Variants in DENND1A observed in about 807,000 individuals in gnomAD.
DENND1A encodes DENN domain-containing protein 1A.
DENND1A carries 51 observed loss-of-function variants against 113.7 expected under a neutral mutation model. The observed-to-expected ratio is 0.45, with a 90% CI of 0.36 to 0.57. DENND1A has a LOEUF of 0.57. DENND1A is among the 20% of genes least tolerant of loss of function. The probability of loss-of-function intolerance (pLI) is 0.00; values close to 1 mark genes in which losing one functional copy is unlikely to be tolerated. For synonymous variants in DENND1A, 565 were observed against 570.8 expected, an observed-to-expected ratio of 0.99 and a Z score of 0.14; for missense variants, 1,258 against 1,395.9, an observed-to-expected ratio of 0.90 and a Z score of 1.57.
intron 13 of DENND1A, among the ~76,000 whole-genome samples, chr9:123,509,014 C>G (rs150101479): frequency 8.5e-5 from 13 of 152,080 alleles, no homozygotes; most frequent in African/African-American, 3.1e-4. Context: ...TAGAAGGCAC[C>G]GTGAAGGAAT....
At chr9:123,655,732 C>T (rs1046674581) in intron 8 of DENND1A, among the ~76,000 whole-genome samples, 5 of 152,206 alleles carry the variant, frequency 3.3e-5, no homozygotes, top group African/African-American at 9.7e-5. Context: ...GGAGGACTTC[C>T]GCGGCAGGCT....
At chr9:123,609,370 T>C (rs1589337020) in intron 11 of DENND1A, 66 bp downstream of exon 11, 2 of 1,566,952 alleles carry the variant, frequency 1.3e-6, no homozygotes, top group Non-Finnish European at 1.8e-6. Flanking sequence ...ACTGGGTCTC[T>C]CCACCGCCAC....
At chr9:123,582,106 C>G (rs1429527256) in intron 12 of DENND1A, among the ~76,000 whole-genome samples, 1 of 152,236 alleles carries the variant, frequency 6.6e-6, no homozygotes, top group African/African-American at 2.4e-5. Context: ...GGGTGCACAG[C>G]TACACTGACA....
chr9:123,403,028 C>G, intron 21 of DENND1A, among the ~76,000 whole-genome samples: 1 of 152,170 alleles, frequency 6.6e-6, no homozygotes, highest in Non-Finnish European at 1.5e-5. Flanking sequence ...GCCATGGAGG[C>G]CTAGGAAGGT....
chr9:123,916,238 A>AT (rs945971474), intron 1 of DENND1A, among the ~76,000 whole-genome samples: 1 of 151,972 alleles, frequency 6.6e-6, no homozygotes, highest in Non-Finnish European at 1.5e-5. Flanking sequence ...CATTCCCTGT[A>AT]TTTTTCCAGG....
intron 20 of DENND1A, 168 bp from the exon 21 acceptor site, chr9:123,403,658 C>G (rs2043693149): frequency 4.8e-6 from 3 of 622,082 alleles, no homozygotes; most frequent in South Asian, 3.7e-5. Context: ...ATCTAATAGG[C>G]AGCAGACAGA....
intron 1 of DENND1A, among the ~76,000 whole-genome samples, chr9:123,880,075 C>T (rs570392403): frequency 8.4e-4 from 128 of 152,280 alleles, no homozygotes; most frequent in Middle Eastern, 6.8e-3. Flanking sequence ...TGCAGTGGCA[C>T]AATCTCAGCT....
intron 1 of DENND1A, among the ~76,000 whole-genome samples, chr9:123,885,632 C>T (rs1032058963): frequency 5.9e-5 from 9 of 152,176 alleles, no homozygotes; most frequent in Admixed American, 4.6e-4. Flanking sequence ...ACAGCTAAAA[C>T]GTTTTTGAAA....
chr9:123,528,857 T>C (rs1045358248), intron 13 of DENND1A, among the ~76,000 whole-genome samples: 3 of 152,212 alleles, frequency 2.0e-5, no homozygotes, highest in African/African-American at 7.2e-5. Flanking sequence ...ACTTCAGTTT[T>C]TCCTAAATGT....
rs1851901877 is a variant in DENND1A at position 123,902,799 on chromosome 9, AC to A, written c.18-23779del. Among the ~76,000 whole-genome samples the A allele has an allele frequency of 2.7e-5, 4 of 147,196 alleles. No individual in the cohort carries two copies. The South Asian group carries it at 8.4e-4, about 31-fold the overall frequency. On this transcript the variant is annotated intron_variant, in intron 1 of 23. Transcript: ENST00000394215. ...GAAGAGGAGAACAAGACAAGTAACA[AC>A]AGCTGTTTTTTTTTTTTTTAAAAAG...
intron 5 of DENND1A, among the ~76,000 whole-genome samples, chr9:123,754,285 C>G (rs916376976): frequency 6.6e-6 from 1 of 152,174 alleles, no homozygotes. Flanking sequence ...GTGGATACAC[C>G]GTCAACCAGT....
intron 2 of DENND1A, among the ~76,000 whole-genome samples, chr9:123,867,717 C>T (rs1845980330): frequency 6.6e-6 from 1 of 152,120 alleles, no homozygotes; most frequent in Non-Finnish European, 1.5e-5. Context: ...ACAGCTCCCC[C>T]AGTTCTCCCC....
chr9:123,387,074 C>T (rs1353146129), intron 22 of DENND1A, among the ~76,000 whole-genome samples: 1 of 152,224 alleles, frequency 6.6e-6, no homozygotes, highest in African/African-American at 2.4e-5. Flanking sequence ...GGCAGACAGA[C>T]AAAAGCTGTC....
At chr9:123,864,333 G>A (rs1460489282) in intron 2 of DENND1A, among the ~76,000 whole-genome samples, 1 of 152,194 alleles carries the variant, frequency 6.6e-6, no homozygotes, top group Non-Finnish European at 1.5e-5. Flanking sequence ...TCTTCCTGCT[G>A]TATACACACA....
chr9:123,513,692 C>G (rs951438318), intron 13 of DENND1A, among the ~76,000 whole-genome samples: 3 of 152,184 alleles, frequency 2.0e-5, no homozygotes. Flanking sequence ...AGCATCATAC[C>G]AAGACTTGCT....
At chr9:123,728,422 A>G (rs1219336373) in intron 5 of DENND1A, among the ~76,000 whole-genome samples, 1 of 137,836 alleles carries the variant, frequency 7.3e-6, no homozygotes, top group African/African-American at 2.7e-5. Flanking sequence ...GGTTACAGTG[A>G]GCCGAGATCG....
chr9:123,604,406 C>T (rs2060059621), intron 11 of DENND1A, among the ~76,000 whole-genome samples: 2 of 152,224 alleles, frequency 1.3e-5, no homozygotes, highest in Non-Finnish European at 1.5e-5. Flanking sequence ...CTGGTCTACA[C>T]ACAATCCTGT....
chr9:123,783,198 A>T (rs928411410), intron 3 of DENND1A, among the ~76,000 whole-genome samples: 2 of 152,222 alleles, frequency 1.3e-5, no homozygotes, highest in Non-Finnish European at 2.9e-5. Flanking sequence ...CTTCATCACC[A>T]TTTAAAGGGT....
At chr9:123,601,904 C>G (rs1347584415) in intron 11 of DENND1A, among the ~76,000 whole-genome samples, 1 of 151,134 alleles carries the variant, frequency 6.6e-6, no homozygotes, top group East Asian at 1.9e-4. Context: ...GTAAGCCCTC[C>G]TTTCCCCTCC....
Sources: allele counts gnomAD v4.1 joint callset (sites outside exome capture counted in the v4.1 genomes callset), GRCh38; gene constraint gnomAD v4.1.1; transcripts MANE v1.5; gene names NCBI Gene and HGNC (gene_info 2026-07-23, HGNC 2026-07-21).